The following WWTR1 variants were observed in gnomAD, a reference collection of about 807,000 sequenced individuals.
The protein encoded by WWTR1 is WW domain containing transcription regulator 1.
In WWTR1, 13 loss-of-function variants were observed where a neutral mutation model predicts 40.1. That is an observed-to-expected ratio of 0.32 (90% CI 0.21 to 0.52). The LOEUF is 0.52. WWTR1 is among the 20% of genes least tolerant of loss of function. The pLI is 0.97. For synonymous variants in WWTR1, 230 were observed against 210.1 expected, an observed-to-expected ratio of 1.09 and a Z score of -0.82; for missense variants, 436 against 523.1, an observed-to-expected ratio of 0.83 and a Z score of 1.63.
intron 1 of WWTR1, chr3:149,702,831 G>T (rs987695688): frequency 1.3e-5 from 2 of 152,188 alleles, no homozygotes; most frequent in South Asian, 2.1e-4. Flanking sequence ...AGACTGCAAG[G>T]CTGTTGATTC....
chr3:149,643,312 C>T (rs1267065253), intron 2 of WWTR1, among the ~76,000 whole-genome samples: 1 of 152,168 alleles, frequency 6.6e-6, no homozygotes. Flanking sequence ...ACTCTCCAAA[C>T]ATAATCTGCT....
Position 149,594,952 on chromosome 3 carries a change from T to C in WWTR1, c.432-21952A>G, listed in dbSNP as rs1169731525. ...TATTGCCTATAACCTCTTTTTTACT[T>C]TTTTTTTTTTTTTTTTTTTTTTTTT... is the stretch of plus-strand genomic sequence containing the variant. On this transcript the variant is annotated intron_variant, in intron 2 of 6. Transcript: ENST00000360632. Among the ~76,000 whole-genome samples, 52 of 89,244 alleles carry C rather than the reference T, an allele frequency of 5.8e-4. 2 individuals are homozygous for C. Among genetic ancestry groups the C allele is most frequent in the African/African-American group, 3.6e-3 (48 of 13,258 alleles). The allele number at this position is 89,244 out of a possible 152,430, so 58.5% of individuals were successfully genotyped here. A position where few individuals can be genotyped will look rare whatever the true frequency, so the allele number is the denominator to read the frequency against.
intron 3 of WWTR1, among the ~76,000 whole-genome samples, chr3:149,554,666 A>G (rs1736745287): frequency 6.6e-6 from 1 of 151,826 alleles, no homozygotes; most frequent in Admixed American, 6.6e-5. Context: ...AAAAAATCAC[A>G]TCTTTCTGGC....
chr3:149,644,610 C>T (rs1489233831), intron 2 of WWTR1, among the ~76,000 whole-genome samples: 1 of 152,230 alleles, frequency 6.6e-6, no homozygotes. Context: ...CATGTCTGTA[C>T]TCTACCCGGT....
intron 1 of WWTR1, among the ~76,000 whole-genome samples, chr3:149,670,388 C>CTGTGGTTTGTAGTTGGT: frequency 6.6e-6 from 1 of 152,234 alleles, no homozygotes; most frequent in Admixed American, 6.5e-5. Flanking sequence ...AACCACAGCC[C>CTGTGGTTTGTAGTTGGT]CTACCGCTGT....
chr3:149,715,625 G>A (rs190450388), intron 5 of WWTR1, among the ~76,000 whole-genome samples: 67 of 152,340 alleles, frequency 4.4e-4, no homozygotes, highest in African/African-American at 1.6e-3. Context: ...AAGCCCAGAG[G>A]GCCTGAGAAA....
chr3:149,691,810 A>G (rs534519854), intron 1 of WWTR1, among the ~76,000 whole-genome samples: 1 of 152,212 alleles, frequency 6.6e-6, no homozygotes, highest in South Asian at 2.1e-4. Context: ...AGGTCAGGAG[A>G]TCGAGACCAT....
intron 1 of WWTR1, among the ~76,000 whole-genome samples, chr3:149,678,836 TTTTTTG>T (rs1714359507): frequency 6.7e-6 from 1 of 149,528 alleles, no homozygotes; most frequent in Admixed American, 6.6e-5. Context: ...TTTTTTTTTT[TTTTTTG>T]ATGGAGTTTC....
At chr3:149,700,764 T>C (rs765915479) in intron 1 of WWTR1, among the ~76,000 whole-genome samples, 2 of 152,168 alleles carry the variant, frequency 1.3e-5, no homozygotes, top group Non-Finnish European at 2.9e-5. Flanking sequence ...AGAGTCTAAC[T>C]TTAGCATCCT....
chr3:149,711,177 AAAG>A (rs1300517226), intron 5 of WWTR1, among the ~76,000 whole-genome samples: 9 of 151,434 alleles, frequency 5.9e-5, no homozygotes, highest in Non-Finnish European at 8.8e-5. Context: ...AAAAAAAAAA[AAAG>A]GGAGGCTGGA....
chr3:149,559,252 C>T (rs1008821779), intron 3 of WWTR1, among the ~76,000 whole-genome samples: 5 of 145,130 alleles, frequency 3.4e-5, no homozygotes, highest in Non-Finnish European at 7.5e-5. Flanking sequence ...CGAGATCATG[C>T]CACTGCACTC....
intron 1 of WWTR1, among the ~76,000 whole-genome samples, chr3:149,687,164 T>A (rs79558766): frequency 0.02 from 3,016 of 152,302 alleles, 61 homozygotes; most frequent in South Asian, 0.092. Context: ...TTTTACCTAC[T>A]GCAATTTTAG....
At chr3:149,663,589 G>A (rs1282310228) in intron 2 of WWTR1, among the ~76,000 whole-genome samples, 2 of 151,970 alleles carry the variant, frequency 1.3e-5, no homozygotes, top group African/African-American at 4.8e-5. Flanking sequence ...CCAGCTACTC[G>A]GGAGGCTGAG....
chr3:149,603,698 C>T (rs1739356803), intron 2 of WWTR1, among the ~76,000 whole-genome samples: 2 of 152,036 alleles, frequency 1.3e-5, no homozygotes, highest in African/African-American at 4.8e-5. Context: ...TTAAATTTCT[C>T]TATTCCACAC....
chr3:149,640,538 A>G (rs1301009283), intron 2 of WWTR1, among the ~76,000 whole-genome samples: 3 of 152,156 alleles, frequency 2.0e-5, no homozygotes, highest in Non-Finnish European at 4.4e-5. Context: ...CTCCTGCCTC[A>G]GCCTCCTGAG....
chr3:149,711,917 T>A (rs1340857159), intron 5 of WWTR1, among the ~76,000 whole-genome samples: 2 of 152,244 alleles, frequency 1.3e-5, no homozygotes, highest in East Asian at 3.8e-4. Context: ...TCTGAAATCA[T>A]CTTTTTTATT....
At chr3:149,541,650 C>T (rs1043613963) in intron 4 of WWTR1, among the ~76,000 whole-genome samples, 4 of 151,956 alleles carry the variant, frequency 2.6e-5, no homozygotes, top group Non-Finnish European at 5.9e-5. Flanking sequence ...GTGGCAAAAG[C>T]GACTCCACGA....
chr3:149,592,439 A>G (rs1049568377), intron 2 of WWTR1, among the ~76,000 whole-genome samples: 1 of 152,214 alleles, frequency 6.6e-6, no homozygotes, highest in Non-Finnish European at 1.5e-5. Context: ...CCAGAACTAA[A>G]AAAACTACAG....
At chr3:149,521,126 G>C (rs1290972344) in intron 6 of WWTR1, 137 bp from the exon 7 acceptor site, 28 of 1,066,046 alleles carry the variant, frequency 2.6e-5, no homozygotes, top group Non-Finnish European at 3.7e-5. Flanking sequence ...AAGAGGTACA[G>C]AGATGTGGAA....
Sources: allele counts gnomAD v4.1 joint callset (sites outside exome capture counted in the v4.1 genomes callset), GRCh38; gene constraint gnomAD v4.1.1; transcripts MANE v1.5; gene names NCBI Gene and HGNC (gene_info 2026-07-23, HGNC 2026-07-21).